EIPR1: variants seen among roughly 807,000 people sequenced by gnomAD.
EIPR1 encodes the protein EARP complex and GARP complex interacting protein 1, also known as EARP and GARP complex-interacting protein 1.
In EIPR1, 25 loss-of-function variants were observed where a neutral mutation model predicts 48.1. The observed-to-expected ratio is 0.52, with a 90% CI of 0.38 to 0.73. EIPR1 has a LOEUF of 0.73. EIPR1 is among the 30% of genes least tolerant of loss of function. The pLI, the probability that EIPR1 is intolerant of heterozygous loss-of-function variation, is 0.00. For synonymous variants in EIPR1, 204 were observed against 201.9 expected (o/e 1.01, Z -0.09); for missense variants, 415 against 506.2 (o/e 0.82, Z 1.73).
chr2:3,322,850 C>A (rs956070412), intron 3 of EIPR1, among the ~76,000 whole-genome samples: 1 of 152,240 alleles, frequency 6.6e-6, no homozygotes, highest in African/African-American at 2.4e-5. Context: ...CCAGTGCTCA[C>A]TAGGGAGCTT....
In EIPR1 at chr2:3,269,933, C is replaced by T. The variant is rs1667654068; in HGVS notation, c.260-12478G>A. ...GCACCATCCCTCAGCTTGGGAGCAC[C>T]AGCCCTTGGCTTGCACACAGCACTG... is the stretch of plus-strand genomic sequence containing the variant. On this transcript the variant is annotated intron_variant, in intron 3 of 8. Transcript: ENST00000382125. 2.0e-5 allele frequency among the ~76,000 whole-genome samples: 3 copies of T among 152,058 alleles called. No homozygotes were observed. The South Asian group carries it at 6.2e-4, about 31-fold the overall frequency.
At chr2:3,294,077 A>G in intron 3 of EIPR1, among the ~76,000 whole-genome samples, 1 of 152,286 alleles carries the variant, frequency 6.6e-6, no homozygotes, top group Middle Eastern at 3.4e-3. Flanking sequence ...AAAATTATGT[A>G]TAACCATTTA....
At chr2:3,324,435 C>T (rs1034255278) in intron 3 of EIPR1, among the ~76,000 whole-genome samples, 2 of 152,254 alleles carry the variant, frequency 1.3e-5, no homozygotes, top group Non-Finnish European at 2.9e-5. Context: ...CACTGCTGCT[C>T]CTCAGGATGC....
chr2:3,312,417 C>T lies in EIPR1; in HGVS notation c.259+25600G>A, dbSNP rs748935145. Among the ~76,000 whole-genome samples the T allele has an allele frequency of 6.6e-6, 1 of 152,154 alleles. No individual in the cohort carries two copies. Among genetic ancestry groups the T allele is most frequent in the South Asian group, 2.1e-4 (1 of 4,826 alleles). On this transcript the variant is annotated intron_variant, in intron 3 of 8. Coordinates refer to ENST00000382125, the MANE Select transcript of EIPR1 (RefSeq NM_003310.5). The surrounding 1 kb of genome is among the most constrained non-coding windows in gnomAD (Gnocchi z 5.5). ...GTGCCTGCTGTGGGGATGAGACTCA[C>T]GTCTGAGGGGCAAAGTTCATTTTTC...
chr2:3,233,482 G>A (rs1309858333), intron 4 of EIPR1, among the ~76,000 whole-genome samples: 1 of 152,142 alleles, frequency 6.6e-6, no homozygotes, highest in Non-Finnish European at 1.5e-5. Context: ...TTCCCAAATT[G>A]TCTTCCTAGA....
chr2:3,333,347 AAAG>A (rs1268838632), intron 3 of EIPR1, among the ~76,000 whole-genome samples: 1 of 152,162 alleles, frequency 6.6e-6, no homozygotes, highest in Admixed American at 6.5e-5. Flanking sequence ...GCCACGTCCT[AAAG>A]AAGAGCCGGG....
At chr2:3,267,950 G>A (rs906444081) in intron 3 of EIPR1, among the ~76,000 whole-genome samples, 2 of 152,242 alleles carry the variant, frequency 1.3e-5, no homozygotes, top group Non-Finnish European at 2.9e-5. Context: ...CGTGCCCTGT[G>A]TAGCGCACAG....
intron 1 of EIPR1, among the ~76,000 whole-genome samples, chr2:3,358,568 C>T (rs1670786737): frequency 6.6e-6 from 1 of 152,232 alleles, no homozygotes; most frequent in Admixed American, 6.5e-5. Context: ...TGCAACTTCC[C>T]TGGACAATTT....
At chr2:3,320,937 A>C (rs1041849464) in intron 3 of EIPR1, among the ~76,000 whole-genome samples, 2 of 152,234 alleles carry the variant, frequency 1.3e-5, no homozygotes, top group East Asian at 3.8e-4. Flanking sequence ...TTAGAGCCCC[A>C]AAAATAAGCT....
chr2:3,297,143 C>T (rs1406156610), intron 3 of EIPR1, among the ~76,000 whole-genome samples: 3 of 152,196 alleles, frequency 2.0e-5, no homozygotes, highest in Non-Finnish European at 4.4e-5. Context: ...GACAGTGTGG[C>T]ACATGCTAGG....
At chr2:3,293,150 G>GC in intron 3 of EIPR1, among the ~76,000 whole-genome samples, 1 of 152,310 alleles carries the variant, frequency 6.6e-6, no homozygotes, top group East Asian at 1.9e-4. Context: ...ACAATCTATA[G>GC]CCTGGTGGCA....
intron 1 of EIPR1, among the ~76,000 whole-genome samples, chr2:3,367,781 G>A (rs1256786608): frequency 1.3e-5 from 2 of 152,192 alleles, no homozygotes; most frequent in Admixed American, 1.3e-4. Context: ...GGGTGCGGGG[G>A]CTCACACCTG....
At chr2:3,363,033 C>T (rs1227010132) in intron 1 of EIPR1, among the ~76,000 whole-genome samples, 1 of 152,168 alleles carries the variant, frequency 6.6e-6, no homozygotes, top group Non-Finnish European at 1.5e-5. Context: ...TCCTGGGCGG[C>T]CTGCATCTGC....
intron 3 of EIPR1, among the ~76,000 whole-genome samples, chr2:3,316,541 A>G (rs1043533429): frequency 6.6e-6 from 1 of 152,184 alleles, no homozygotes; most frequent in Non-Finnish European, 1.5e-5. Context: ...ATTCATTACT[A>G]TTTGGACAGA....
chr2:3,245,809 C>T (rs1666776866), intron 4 of EIPR1, among the ~76,000 whole-genome samples: 1 of 152,192 alleles, frequency 6.6e-6, no homozygotes, highest in South Asian at 2.1e-4. Context: ...CCTGTAATCT[C>T]AGTGTTTGGG....
intron 3 of EIPR1, among the ~76,000 whole-genome samples, chr2:3,331,105 GCACACACTCC>G (rs1669885194): frequency 7.4e-6 from 1 of 134,774 alleles, no homozygotes; most frequent in Non-Finnish European, 1.7e-5. Context: ...GCAGAGGCAG[GCACACACTCC>G]TGAGGTGGTG....
chr2:3,209,827 T>A (rs1308488979), intron 5 of EIPR1, among the ~76,000 whole-genome samples: 1 of 152,098 alleles, frequency 6.6e-6, no homozygotes, highest in Admixed American at 6.5e-5. Context: ...AGCAAAACAA[T>A]GGCAATGGTG....
rs187753852 is a variant in EIPR1, at chr2:3,208,942, G to A, written c.516+5207C>T. 5.0e-5 allele frequency: 76 copies of A among 1,507,816 alleles called. 1 individual carries two copies. In the East Asian group the frequency reaches 1.7e-3, roughly 33 times the overall value. The allele number at this position is 1,507,816 out of a possible 1,614,324, so 93.4% of individuals were successfully genotyped here. On this transcript the variant is annotated intron_variant, in intron 5 of 8. Transcript: ENST00000382125. ...GGGTCCGTGCACGCTCCTTCAGAAT[G>A]TTCAGATTCTTCCCTCTAATAGGAC...
intron 2 of EIPR1, among the ~76,000 whole-genome samples, chr2:3,344,829 G>A (rs1248796277): frequency 6.6e-6 from 1 of 151,734 alleles, no homozygotes; most frequent in African/African-American, 2.4e-5. Flanking sequence ...TTTTAGTAGA[G>A]ACAGGGTTTC....
Sources: allele counts gnomAD v4.1 joint callset (sites outside exome capture counted in the v4.1 genomes callset), GRCh38; gene constraint gnomAD v4.1.1; non-coding constraint Gnocchi (gnomAD v3.1); transcripts MANE v1.5; gene names NCBI Gene and HGNC (gene_info 2026-07-23, HGNC 2026-07-21).